PDE3A: variants seen among roughly 807,000 people sequenced by gnomAD.
PDE3A encodes phosphodiesterase 3A.
Under a neutral mutation model 98.3 loss-of-function variants are expected in PDE3A, and 43 were observed. The ratio of observed to expected loss-of-function variants is 0.44; its 90% CI spans 0.34 to 0.56. The LOEUF is 0.56. Among genes scored for constraint, PDE3A ranks in the 20% least tolerant of loss-of-function variants. The pLI is 0.01. For missense variants in PDE3A, 1,427 were observed against 1,440.7 expected, an observed-to-expected ratio of 0.99 and a Z score of 0.15; for synonymous variants, 663 against 567.9, an observed-to-expected ratio of 1.17 and a Z score of -2.38.
In PDE3A at chr12:20,427,276, G is replaced by A. The variant is rs111516264; in HGVS notation, c.960+57032G>A. Among the ~76,000 whole-genome samples, 874 of 152,296 alleles carry A rather than the reference G, an allele frequency of 5.7e-3. 7 individuals carry two copies. The highest frequency in any genetic ancestry group is 0.02 in the African/African-American group (824 of 41,576). On this transcript the variant is annotated intron_variant, in intron 1 of 15. Coordinates refer to ENST00000359062, the MANE Select transcript of PDE3A (RefSeq NM_000921.5). ...CGTTGCTTTTTATCTAAGAGGGGTT[G>A]AAATGTTGCGTGCTTTTGAATTTTA...
chr12:20,379,256 A>G (rs1943622873), intron 1 of PDE3A, among the ~76,000 whole-genome samples: 6 of 151,884 alleles, frequency 4.0e-5, no homozygotes, highest in Admixed American at 3.9e-4. Context: ...AACACAAATA[A>G]ATGAAATAGT....
At chr12:20,622,721 G>T (rs1944166348) in intron 5 of PDE3A, among the ~76,000 whole-genome samples, 1 of 152,048 alleles carries the variant, frequency 6.6e-6, no homozygotes, top group Admixed American at 6.6e-5. Context: ...TAGAGAAACT[G>T]CATTTGAGAA....
chr12:20,390,267 A>ATGTGTACCAAACATTATATTTTT (rs1340706373), intron 1 of PDE3A, among the ~76,000 whole-genome samples: 1 of 151,862 alleles, frequency 6.6e-6, no homozygotes, highest in East Asian at 1.9e-4. Flanking sequence ...TTGATATTTT[A>ATGTGTACCAAACATTATATTTTT]TGTGTACCAA....
intron 1 of PDE3A, among the ~76,000 whole-genome samples, chr12:20,396,622 G>A (rs1188801596): frequency 6.6e-6 from 1 of 151,882 alleles, no homozygotes; most frequent in Non-Finnish European, 1.5e-5. Context: ...GTTGAATAAC[G>A]AGTAAACATT....
At chr12:20,478,470 C>T (rs1945566842) in intron 1 of PDE3A, among the ~76,000 whole-genome samples, 1 of 152,146 alleles carries the variant, frequency 6.6e-6, no homozygotes, top group Non-Finnish European at 1.5e-5. Flanking sequence ...CAATACACAC[C>T]TGCCTTCAGT....
chr12:20,370,075 A>G lies in PDE3A; in HGVS notation c.791A>G (p.Glu264Gly). 1 of 1,612,900 alleles carries G rather than the reference A, an allele frequency of 6.2e-7. No homozygotes were observed. The highest frequency in any genetic ancestry group is 8.5e-7 in the Non-Finnish European group (1 of 1,179,682). ...GAACAAATCTTGCCGCAGTCCGCGG[A>G]GGCGGCTCCAAGGGAGCATTTGGGG... Reference protein sequence around the residue: ...YVEQILPQSAEAAPREHLGSQ... With the variant: ...YVEQILPQSAGAAPREHLGSQ... Residue 264 changes from glutamate (E) to glycine (G), a missense_variant, in exon 1 of 16, where the codon GAG becomes GGG. Physicochemically the swap from Glu to Gly is moderately conservative, Grantham distance 98. Transcript: ENST00000359062.
At chr12:20,509,853 G>A (rs1946188167) in intron 1 of PDE3A, among the ~76,000 whole-genome samples, 1 of 152,090 alleles carries the variant, frequency 6.6e-6, no homozygotes, top group South Asian at 2.1e-4. Context: ...TACTAGAATT[G>A]GGAGATGTAT....
At position 20,592,285 on chromosome 12, in the gene PDE3A, G is replaced by A. The variant is rs74817000; in HGVS notation, c.1012-21158G>A. ...CTAATTACAGTGGAAAGGTCAAAAG[G>A]TTGTATTTGTTTTGAGGGAACAGAG... On this transcript the variant is annotated intron_variant, in intron 2 of 15. Coordinates refer to ENST00000359062, the MANE Select transcript of PDE3A (RefSeq NM_000921.5). 6.6e-3 allele frequency among the ~76,000 whole-genome samples: 1,005 copies of A among 152,192 alleles called. 7 individuals are homozygous for A. Among genetic ancestry groups the A allele is most frequent in the Non-Finnish European group, 0.011 (749 of 67,994 alleles).
At chr12:20,531,325 AAAT>A (rs768620144) in intron 1 of PDE3A, among the ~76,000 whole-genome samples, 7 of 152,198 alleles carry the variant, frequency 4.6e-5, no homozygotes, top group Non-Finnish European at 7.3e-5. Context: ...TTACAGGAAA[AAAT>A]AATGTTTATT....
intron 2 of PDE3A, among the ~76,000 whole-genome samples, chr12:20,586,752 G>C (rs115938272): frequency 6.6e-6 from 1 of 152,132 alleles, no homozygotes; most frequent in Non-Finnish European, 1.5e-5. Flanking sequence ...CGAAGGCTTA[G>C]GTCTACAGCA....
At chr12:20,371,014 T>C (rs1189333874) in intron 1 of PDE3A, among the ~76,000 whole-genome samples, 1 of 152,216 alleles carries the variant, frequency 6.6e-6, no homozygotes, top group African/African-American at 2.4e-5. Flanking sequence ...CATACTTAAG[T>C]GGATATTTAT....
rs1555111784 is a variant in PDE3A, at chr12:20,680,516, A to G, written c.*245A>G. 6 of 464,152 alleles carry G rather than the reference A, an allele frequency of 1.3e-5. No homozygotes were observed. Among genetic ancestry groups the G allele is most frequent in the Non-Finnish European group, 2.4e-5 (6 of 254,654 alleles). The allele number at this position is 464,152 out of a possible 1,614,324, so 28.8% of individuals were successfully genotyped here. A position where few individuals can be genotyped will look rare whatever the true frequency, so the allele number is the denominator to read the frequency against. On this transcript the variant is annotated 3_prime_UTR_variant, in exon 16 of 16. Transcript: ENST00000359062. ...AGGATTTTTTAAGGAGGGAATATATATGTGTGTGTGTATATAAGCTCCCAC... is the reference window on the plus strand; with the variant it reads ...AGGATTTTTTAAGGAGGGAATATATGTGTGTGTGTGTATATAAGCTCCCAC...
intron 15 of PDE3A, 126 bp downstream of exon 15, chr12:20,654,331 C>T (rs576227860): frequency 1.3e-4 from 106 of 785,414 alleles, no homozygotes; most frequent in East Asian, 1.3e-3. Flanking sequence ...AGTTTGACTA[C>T]GGATAGCTCC....
intron 1 of PDE3A, among the ~76,000 whole-genome samples, chr12:20,431,418 G>C (rs1172680126): frequency 6.6e-6 from 1 of 152,162 alleles, no homozygotes; most frequent in African/African-American, 2.4e-5. Context: ...TGTATATAAT[G>C]TTGGAGAAAA....
chr12:20,468,777 C>G (rs746908438), intron 1 of PDE3A, among the ~76,000 whole-genome samples: 1 of 152,128 alleles, frequency 6.6e-6, no homozygotes, highest in Non-Finnish European at 1.5e-5. Context: ...TTGGCAAGCA[C>G]TGTAATTGGG....
chr12:20,458,468 G>A (rs545012405), intron 1 of PDE3A, among the ~76,000 whole-genome samples: 13 of 151,946 alleles, frequency 8.6e-5, no homozygotes, highest in East Asian at 3.9e-4. Context: ...TTTAGAAATA[G>A]CATCTGATCA....
intron 1 of PDE3A, among the ~76,000 whole-genome samples, chr12:20,472,588 C>T (rs920893766): frequency 6.6e-6 from 1 of 151,386 alleles, no homozygotes; most frequent in Non-Finnish European, 1.5e-5. Context: ...TCTAAATGAC[C>T]ACATTATCAC....
intron 1 of PDE3A, among the ~76,000 whole-genome samples, chr12:20,439,358 C>T (rs962577955): frequency 2.2e-4 from 34 of 152,112 alleles, no homozygotes; most frequent in South Asian, 1.2e-3. Context: ...TGTTTATATC[C>T]ACATATCATG....
At chr12:20,654,350 A>G (rs1944989115) in intron 15 of PDE3A, 145 bp downstream of exon 15, 11 of 666,194 alleles carry the variant, frequency 1.7e-5, no homozygotes, top group South Asian at 9.8e-5. Context: ...CCCTTCCCCA[A>G]TATCATAATA....
Sources: allele counts gnomAD v4.1 joint callset (sites outside exome capture counted in the v4.1 genomes callset), GRCh38; gene constraint gnomAD v4.1.1; transcripts MANE v1.5; gene names NCBI Gene and HGNC (gene_info 2026-07-23, HGNC 2026-07-21).